Variants in KCNIP4 observed in about 807,000 individuals in gnomAD.
KCNIP4 encodes potassium voltage-gated channel interacting protein 4.
In KCNIP4, 12 loss-of-function variants were observed where a neutral mutation model predicts 34.0. The observed-to-expected ratio is 0.35, with a 90% confidence interval of 0.23 to 0.57. KCNIP4 has a LOEUF of 0.57. Among genes scored for constraint, KCNIP4 ranks in the 20% least tolerant of loss-of-function variants. The pLI is 0.83. For missense variants in KCNIP4, 238 were observed against 311.7 expected, an observed-to-expected ratio of 0.76 and a Z score of 1.78; for synonymous variants, 124 against 102.2, an observed-to-expected ratio of 1.21 and a Z score of -1.29.
intron 1 of KCNIP4, among the ~76,000 whole-genome samples, chr4:21,233,097 G>A (rs1446914298): frequency 6.6e-6 from 1 of 152,146 alleles, no homozygotes; most frequent in Non-Finnish European, 1.5e-5. Flanking sequence ...CACTTGCTAG[G>A]TTGATATTAC....
At chr4:21,870,985 G>GA (rs2109365758) in intron 1 of KCNIP4, among the ~76,000 whole-genome samples, 1 of 151,524 alleles carries the variant, frequency 6.6e-6, no homozygotes, top group Non-Finnish European at 1.5e-5. Context: ...ACTAGTAAAG[G>GA]AAAAAAAGAA....
intron 1 of KCNIP4, among the ~76,000 whole-genome samples, chr4:21,463,689 A>T (rs183394718): frequency 6.6e-6 from 1 of 151,954 alleles, no homozygotes; most frequent in African/African-American, 2.4e-5. Context: ...TGCTGTTTTT[A>T]CCTGGTTTTG....
chr4:20,997,505 G>A (rs78451564), intron 1 of KCNIP4, among the ~76,000 whole-genome samples: 3 of 152,190 alleles, frequency 2.0e-5, no homozygotes, highest in African/African-American at 7.2e-5. Context: ...TAATTAAAAG[G>A]TATTGTAGGG....
intron 1 of KCNIP4, among the ~76,000 whole-genome samples, chr4:21,630,718 T>C (rs917958786): frequency 8.5e-5 from 13 of 152,092 alleles, no homozygotes; most frequent in Non-Finnish European, 1.8e-4. Flanking sequence ...GCCATGAAAC[T>C]TTCCTGTTTA....
chr4:21,689,255 G>A (rs942879804), intron 1 of KCNIP4, among the ~76,000 whole-genome samples: 5 of 152,192 alleles, frequency 3.3e-5, no homozygotes, highest in Admixed American at 2.0e-4. Context: ...TAATTACCAG[G>A]AAGCATAATA....
intron 1 of KCNIP4, among the ~76,000 whole-genome samples, chr4:21,269,350 G>C (rs1472971231): frequency 6.6e-6 from 1 of 152,084 alleles, no homozygotes; most frequent in Non-Finnish European, 1.5e-5. Context: ...TAAATCCAAG[G>C]AGTCTGTCTC....
intron 1 of KCNIP4, among the ~76,000 whole-genome samples, chr4:21,792,109 G>T (rs1014808649): frequency 6.6e-5 from 10 of 151,274 alleles, no homozygotes. Context: ...TGGTGGGAAG[G>T]GTTGGCTTGC....
intron 1 of KCNIP4, among the ~76,000 whole-genome samples, chr4:20,929,361 T>C (rs762394708): frequency 2.0e-4 from 31 of 152,096 alleles, no homozygotes; most frequent in Middle Eastern, 6.8e-3. Context: ...TAACAGTTTA[T>C]GTATAGAAAG....
At chr4:21,301,443 C>T (rs1209756931) in intron 1 of KCNIP4, among the ~76,000 whole-genome samples, 2 of 152,018 alleles carry the variant, frequency 1.3e-5, no homozygotes, top group Non-Finnish European at 2.9e-5. Flanking sequence ...CACAATCATC[C>T]TCATAAGGCT....
intron 1 of KCNIP4, among the ~76,000 whole-genome samples, chr4:21,743,635 CTT>C (rs972452382): frequency 1.3e-5 from 2 of 150,164 alleles, no homozygotes; most frequent in African/African-American, 4.9e-5. Context: ...GACACAATTC[CTT>C]TTTTTTGTAG....
intron 1 of KCNIP4, among the ~76,000 whole-genome samples, chr4:21,525,801 C>A (rs781183987): frequency 1.3e-5 from 2 of 152,066 alleles, no homozygotes; most frequent in African/African-American, 2.4e-5. Context: ...AATAGAAATT[C>A]AATCTTCAAG....
At chr4:21,320,116 G>A (rs1273213928) in intron 1 of KCNIP4, among the ~76,000 whole-genome samples, 2 of 152,188 alleles carry the variant, frequency 1.3e-5, no homozygotes, top group Non-Finnish European at 2.9e-5. Flanking sequence ...TATTGAAATT[G>A]TAAATTTGTG....
chr4:21,474,396 T>C (rs1029385925), intron 1 of KCNIP4, among the ~76,000 whole-genome samples: 1 of 152,194 alleles, frequency 6.6e-6, no homozygotes, highest in African/African-American at 2.4e-5. Flanking sequence ...GACTTTACTA[T>C]AATCACAGTG....
chr4:21,414,087 A>G (rs1234924323), intron 1 of KCNIP4, among the ~76,000 whole-genome samples: 2 of 152,208 alleles, frequency 1.3e-5, no homozygotes, highest in African/African-American at 2.4e-5. Context: ...AGGAAGTTAT[A>G]AACAAAATCT....
Position 21,334,633 on chromosome 4 carries a change from G to A in KCNIP4, c.62-451924C>T, listed in dbSNP as rs192594588. 1.4e-4 allele frequency among the ~76,000 whole-genome samples: 21 copies of A among 152,010 alleles called. 1 individual carries two copies. Among genetic ancestry groups the A allele is most frequent in the Admixed American group, 1.4e-3 (21 of 15,274 alleles). ...AATCTAACATCAGAATGTTTTCATT[G>A]CCTCAAAAAGATTCCTCATGCTTAC... On this transcript the variant is annotated intron_variant, in intron 1 of 8. Transcript: ENST00000382152.
At chr4:20,746,074 A>C (rs1752351912) in intron 5 of KCNIP4, among the ~76,000 whole-genome samples, 1 of 152,192 alleles carries the variant, frequency 6.6e-6, no homozygotes. Flanking sequence ...AGACACATAC[A>C]CATGTATATG....
intron 5 of KCNIP4, among the ~76,000 whole-genome samples, chr4:20,745,963 CTG>C (rs1752329381): frequency 6.6e-6 from 1 of 152,152 alleles, no homozygotes; most frequent in Admixed American, 6.6e-5. Context: ...TTGTGGAAGA[CTG>C]TGGCGATTCC....
At chr4:20,791,252 A>T (rs543006335) in intron 3 of KCNIP4, among the ~76,000 whole-genome samples, 2 of 152,312 alleles carry the variant, frequency 1.3e-5, no homozygotes, top group East Asian at 1.9e-4. Flanking sequence ...ACATTTTTAG[A>T]TGTCAACAGC....
At chr4:20,839,307 C>T (rs1201347530) in intron 3 of KCNIP4, among the ~76,000 whole-genome samples, 1 of 151,902 alleles carries the variant, frequency 6.6e-6, no homozygotes, top group Non-Finnish European at 1.5e-5. Context: ...AGCATATATA[C>T]ATCTATAGAG....
Sources: gnomAD v4.1 joint callset for allele counts (sites outside exome capture counted in the v4.1 genomes callset) on GRCh38, gnomAD v4.1.1 for gene constraint, MANE v1.5 for transcripts, NCBI Gene and HGNC (gene_info 2026-07-23, HGNC 2026-07-21) for gene names.